MYO3B: variants seen among roughly 807,000 people sequenced by gnomAD.
MYO3B encodes myosin IIIB.
A neutral mutation model predicts 174.6 loss-of-function variants in MYO3B; 156 were observed. That is an observed-to-expected ratio of 0.89 (90% CI 0.78 to 1.02). The LOEUF (loss-of-function observed/expected upper bound fraction) is 1.02. Ranked by LOEUF, MYO3B falls within the 50% of genes least tolerant of loss-of-function variation. The pLI is 0.00. For missense variants in MYO3B, 1,632 were observed against 1,639.4 expected (o/e 1.00, Z 0.08); for synonymous variants, 563 against 569.1 (o/e 0.99, Z 0.15).
intron 30 of MYO3B, among the ~76,000 whole-genome samples, chr2:170,540,972 C>CT (rs1223109757): frequency 5.3e-5 from 8 of 152,102 alleles, no homozygotes; most frequent in Non-Finnish European, 8.8e-5. Flanking sequence ...ATTTATTTGC[C>CT]TGTAGACACT....
chr2:170,472,794 T>G (rs1295149681), intron 25 of MYO3B, among the ~76,000 whole-genome samples: 1 of 151,842 alleles, frequency 6.6e-6, no homozygotes, highest in African/African-American at 2.4e-5. Flanking sequence ...CTCTACCCGC[T>G]GGGTTCAAGC....
chr2:170,201,058 G>T (rs1232160833), intron 3 of MYO3B, among the ~76,000 whole-genome samples: 1 of 152,108 alleles, frequency 6.6e-6, no homozygotes, highest in Admixed American at 6.6e-5. Context: ...AATCTGAAGG[G>T]AACAACACTG....
chr2:170,278,315 GA>G (rs1559354479), intron 7 of MYO3B, among the ~76,000 whole-genome samples: 1 of 152,106 alleles, frequency 6.6e-6, no homozygotes, highest in African/African-American at 2.4e-5. Flanking sequence ...ATTATATTCA[GA>G]ATTCTTTCTA....
At chr2:170,629,717 G>A (rs1319825171) in intron 32 of MYO3B, among the ~76,000 whole-genome samples, 2 of 152,236 alleles carry the variant, frequency 1.3e-5, no homozygotes, top group African/African-American at 2.4e-5. Context: ...GGGCATGGTG[G>A]CACATGCCTA....
intron 9 of MYO3B, among the ~76,000 whole-genome samples, chr2:170,380,244 A>G (rs779663971): frequency 6.7e-6 from 1 of 149,884 alleles, no homozygotes; most frequent in Non-Finnish European, 1.5e-5. Context: ...CAGTTTATGT[A>G]TGATTTTGTT....
intron 7 of MYO3B, among the ~76,000 whole-genome samples, chr2:170,309,337 A>G (rs1371525912): frequency 6.6e-6 from 1 of 152,154 alleles, no homozygotes; most frequent in Non-Finnish European, 1.5e-5. Context: ...TTCAAATGCT[A>G]AGGAGGTACT....
At chr2:170,327,112 T>C (rs10930421) in intron 7 of MYO3B, among the ~76,000 whole-genome samples, 11,295 of 152,164 alleles carry the variant, frequency 0.074, 523 homozygotes, top group African/African-American at 0.13. Context: ...CAAGGCTGGG[T>C]GTGGTGGCTC....
intron 18 of MYO3B, among the ~76,000 whole-genome samples, 180 bp from the exon 19 acceptor site, chr2:170,402,668 C>A (rs1464821742): frequency 6.6e-6 from 1 of 151,578 alleles, no homozygotes; most frequent in Non-Finnish European, 1.5e-5. Flanking sequence ...TATTGAAAGG[C>A]CAAAAGAACA....
chr2:170,244,115 G>C (rs1156877435), intron 7 of MYO3B, among the ~76,000 whole-genome samples: 3 of 152,172 alleles, frequency 2.0e-5, no homozygotes, highest in African/African-American at 7.2e-5. Context: ...TTTGCTATCA[G>C]TTCTATCAGT....
chr2:170,212,456 G>A (rs1452988158), intron 3 of MYO3B, among the ~76,000 whole-genome samples: 4 of 152,072 alleles, frequency 2.6e-5, no homozygotes, highest in South Asian at 2.1e-4. Context: ...GAAGCCAAAG[G>A]AAAAAGACTT....
At chr2:170,279,461 C>T (rs1335815090) in intron 7 of MYO3B, among the ~76,000 whole-genome samples, 1 of 131,712 alleles carries the variant, frequency 7.6e-6, no homozygotes, top group Non-Finnish European at 1.7e-5. Flanking sequence ...CCTTTGTCCA[C>T]TTAAAAAAAA....
intron 7 of MYO3B, among the ~76,000 whole-genome samples, chr2:170,322,112 C>G (rs977034616): frequency 3.0e-5 from 3 of 100,652 alleles, no homozygotes; most frequent in Non-Finnish European, 5.9e-5. Flanking sequence ...GACTCCGTCT[C>G]GAAAAAAAAA....
In MYO3B at chr2:170,387,109, A is replaced by G; in HGVS notation, c.1378A>G (p.Asn460Asp). The G allele has an allele frequency of 6.2e-7, 1 of 1,613,946 alleles. No individual in the cohort carries two copies. The highest frequency in any genetic ancestry group is 8.5e-7 in the Non-Finnish European group (1 of 1,179,824). ...GACCGTTCTCTGTTTGGCACAGGCC[A>G]ATAATCAGACCTTGAGAGAGAAAAT... is the stretch of plus-strand genomic sequence containing the variant. Reference protein sequence around the residue: ...VQHLTFLGKANNQTLREKILQ... With the variant: ...VQHLTFLGKADNQTLREKILQ... The change falls in exon 14 of 35, where the codon AAT becomes GAT. Residue 460 changes from asparagine to aspartate, a missense_variant. Transcript: ENST00000408978.
rs750066828 is a variant in MYO3B, at chr2:170,400,174, G to A, written c.1792-14G>A. The A allele has an allele frequency of 6.2e-7, 1 of 1,614,008 alleles. No individual in the cohort carries two copies. The highest frequency in any genetic ancestry group is 8.5e-7 in the Non-Finnish European group (1 of 1,179,934). On this transcript the variant is annotated splice_polypyrimidine_tract_variant and intron_variant, in intron 16 of 34. Transcript: ENST00000408978. ...GCAATGACCTTCATATATGGTTCTTGATGTCCTTTTCAGGAGGTGCACTCA... is the reference window on the plus strand; with the variant it reads ...GCAATGACCTTCATATATGGTTCTTAATGTCCTTTTCAGGAGGTGCACTCA...
chr2:170,602,028 G>A lies in MYO3B; in HGVS notation c.3734-49600G>A, dbSNP rs545658637. 3.2e-5 allele frequency: 29 copies of A among 908,762 alleles called. 1 individual carries two copies. In the East Asian group the frequency reaches 6.9e-4, roughly 22 times the overall value. The allele number at this position is 908,762 out of a possible 1,614,324, so 56.3% of individuals were successfully genotyped here. ...TCATTTCTCTTTCATAACGGTCTTT[G>A]TCCACCTTTGCCATATCTTCAAATT... is the stretch of plus-strand genomic sequence containing the variant. On this transcript the variant is annotated intron_variant, in intron 32 of 34. Transcript: ENST00000408978.
intron 30 of MYO3B, among the ~76,000 whole-genome samples, chr2:170,542,478 C>T (rs1360254466): frequency 6.6e-6 from 1 of 152,166 alleles, no homozygotes; most frequent in African/African-American, 2.4e-5. Context: ...TCAAACTACG[C>T]CCAACCTAAC....
intron 29 of MYO3B, among the ~76,000 whole-genome samples, chr2:170,516,597 C>T (rs983101106): frequency 2.0e-5 from 3 of 149,620 alleles, no homozygotes; most frequent in African/African-American, 5.0e-5. Flanking sequence ...GAGCCGAGAT[C>T]GCGCCACTGA....
chr2:170,540,260 G>T (rs57731039), intron 30 of MYO3B, among the ~76,000 whole-genome samples: 2,206 of 151,904 alleles, frequency 0.015, 43 homozygotes, highest in African/African-American at 0.04. Flanking sequence ...GGAGTTCGAG[G>T]CTGCAGTGAG....
intron 7 of MYO3B, among the ~76,000 whole-genome samples, chr2:170,239,402 A>C (rs918099174): frequency 1.3e-5 from 2 of 152,184 alleles, no homozygotes; most frequent in Non-Finnish European, 2.9e-5. Context: ...TGACTTCCAT[A>C]GAGGGGAGTG....
Sources: allele counts gnomAD v4.1 joint callset (sites outside exome capture counted in the v4.1 genomes callset), GRCh38; gene constraint gnomAD v4.1.1; transcripts MANE v1.5; gene names NCBI Gene and HGNC (gene_info 2026-07-23, HGNC 2026-07-21).